PAFAH1B1: variants seen among roughly 807,000 people sequenced by gnomAD.
The protein encoded by PAFAH1B1 is platelet activating factor acetylhydrolase 1b regulatory subunit 1.
Under a neutral mutation model 57.5 loss-of-function variants are expected in PAFAH1B1, and 2 were observed. That is an observed-to-expected ratio of 0.03 (90% CI 0.01 to 0.11). PAFAH1B1 has a LOEUF of 0.11. Ranked by LOEUF, PAFAH1B1 falls within the 10% of genes least tolerant of loss-of-function variation. The pLI, the probability that PAFAH1B1 is intolerant of heterozygous loss-of-function variation, is 1.00. For missense variants in PAFAH1B1, 257 were observed against 512.0 expected (o/e 0.50, Z 4.81); for synonymous variants, 152 against 169.6 (o/e 0.90, Z 0.81).
intron 8 of PAFAH1B1, chr17:2,676,172 G>A (rs1567560858): frequency 3.0e-6 from 1 of 328,536 alleles, no homozygotes; most frequent in Non-Finnish European, 5.9e-6. Flanking sequence ...GAGGTTAGGA[G>A]TTCAAGACCA....
chr17:2,616,911 A>G (rs1319197498), intron 1 of PAFAH1B1, among the ~76,000 whole-genome samples: 1 of 151,564 alleles, frequency 6.6e-6, no homozygotes, highest in Non-Finnish European at 1.5e-5. Flanking sequence ...AAAATACCAA[A>G]AAAAAAAAAA....
chr17:2,667,262 A>C, intron 5 of PAFAH1B1, 64 bp downstream of exon 5: 1 of 1,297,230 alleles, frequency 7.7e-7, no homozygotes, highest in Non-Finnish European at 1.1e-6. Flanking sequence ...TGAACCCGGG[A>C]GGCGGAGTTT....
chr17:2,662,977 G>A (rs966310623), intron 2 of PAFAH1B1, among the ~76,000 whole-genome samples: 1 of 152,118 alleles, frequency 6.6e-6, no homozygotes, highest in African/African-American at 2.4e-5. Context: ...GCTGGGCATC[G>A]TGGCACCTGC....
chr17:2,620,325 T>G (rs2068403305), intron 1 of PAFAH1B1, among the ~76,000 whole-genome samples: 1 of 152,210 alleles, frequency 6.6e-6, no homozygotes. Flanking sequence ...ACAGATTGTT[T>G]ATAAACATCA....
chr17:2,604,074 T>G (rs1412776511), intron 1 of PAFAH1B1, among the ~76,000 whole-genome samples: 1 of 148,856 alleles, frequency 6.7e-6, no homozygotes, highest in East Asian at 2.0e-4. Flanking sequence ...GGAGTTGAGG[T>G]CTTGTCGCCC....
chr17:2,599,930 G>A (rs1468501144), intron 1 of PAFAH1B1, among the ~76,000 whole-genome samples: 1 of 111,046 alleles, frequency 9.0e-6, no homozygotes, highest in East Asian at 3.2e-4. Flanking sequence ...AAAGTTATAT[G>A]TTTATTAAAA....
intron 2 of PAFAH1B1, among the ~76,000 whole-genome samples, chr17:2,661,076 T>C (rs1380758926): frequency 1.3e-5 from 2 of 152,222 alleles, no homozygotes; most frequent in Non-Finnish European, 2.9e-5. Flanking sequence ...GTTCATATCC[T>C]TTGCCCACTT....
intron 1 of PAFAH1B1, among the ~76,000 whole-genome samples, chr17:2,625,632 C>A (rs886730666): frequency 3.3e-5 from 5 of 152,272 alleles, no homozygotes; most frequent in African/African-American, 1.2e-4. Flanking sequence ...CATTTAAGAA[C>A]CATTTATTAG....
chr17:2,652,543 C>G (rs1478447155), intron 2 of PAFAH1B1, among the ~76,000 whole-genome samples: 1 of 152,004 alleles, frequency 6.6e-6, no homozygotes, highest in East Asian at 1.9e-4. Context: ...AGTTGAGGTC[C>G]TGAGGTTTCT....
chr17:2,612,549 A>AAGT (rs2068279706), intron 1 of PAFAH1B1, among the ~76,000 whole-genome samples: 1 of 151,280 alleles, frequency 6.6e-6, no homozygotes, highest in Admixed American at 6.6e-5. Flanking sequence ...CTACTATTAA[A>AAGT]AGTAGCTGTA....
At chr17:2,602,320 A>G (rs1216867359) in intron 1 of PAFAH1B1, among the ~76,000 whole-genome samples, 2 of 152,098 alleles carry the variant, frequency 1.3e-5, no homozygotes, top group Admixed American at 1.3e-4. Flanking sequence ...TCGCATTTTT[A>G]TGGAAGCATC....
upstream of PAFAH1B1, among the ~76,000 whole-genome samples, chr17:2,593,498 C>A (rs1034149910): frequency 1.3e-4 from 20 of 151,646 alleles, no homozygotes; most frequent in African/African-American, 3.6e-4. Flanking sequence ...CGCTAGAAGG[C>A]AGCGCGGCCC....
intron 1 of PAFAH1B1, 83 bp downstream of exon 1, chr17:2,594,089 G>T: frequency 2.5e-6 from 1 of 395,582 alleles, no homozygotes; most frequent in South Asian, 1.3e-4. Flanking sequence ...GCGGCCTGAC[G>T]ATGTGGCTGC....
chr17:2,638,101 G>A lies in PAFAH1B1; in HGVS notation c.-188G>A, dbSNP rs1366001357. 2 of 518,622 alleles carry A rather than the reference G, an allele frequency of 3.9e-6. No homozygotes were observed. The highest frequency in any genetic ancestry group is 7.0e-6 in the Non-Finnish European group (2 of 286,672). 32.1% of individuals were successfully genotyped at this position (518,622 alleles called of 1,614,324 possible). A position where few individuals can be genotyped will look rare whatever the true frequency, so the allele number is the denominator to read the frequency against. ...TTTTTTCTTCTCTTTCTCCTTAGGT[G>A]GAATGAATCTTACTTGTTGAATATC... is the stretch of plus-strand genomic sequence containing the variant. On this transcript the variant is annotated splice_region_variant and 5_prime_UTR_variant, in exon 2 of 11. Transcript: ENST00000397195.
chr17:2,673,873 C>G, intron 7 of PAFAH1B1, 187 bp from the exon 8 acceptor site: 1 of 569,918 alleles, frequency 1.8e-6, no homozygotes, highest in Non-Finnish European at 3.2e-6. Flanking sequence ...ATTTTATTAG[C>G]TCCTTAATGA....
intron 1 of PAFAH1B1, among the ~76,000 whole-genome samples, chr17:2,606,391 G>C (rs2068204415): frequency 6.6e-6 from 1 of 151,874 alleles, no homozygotes; most frequent in African/African-American, 2.4e-5. Context: ...TGGAGACGAA[G>C]TTTCACTCTT....
intron 1 of PAFAH1B1, among the ~76,000 whole-genome samples, chr17:2,603,813 T>A (rs1222581113): frequency 1.3e-5 from 2 of 151,972 alleles, no homozygotes; most frequent in African/African-American, 4.8e-5. Context: ...CGATCTTGGC[T>A]TACTGCAGCC....
At chr17:2,604,820 T>A (rs1178231097) in intron 1 of PAFAH1B1, among the ~76,000 whole-genome samples, 4 of 151,376 alleles carry the variant, frequency 2.6e-5, no homozygotes, top group African/African-American at 7.3e-5. Context: ...AAAAAAAAAA[T>A]AATTGGAGTG....
chr17:2,655,087 A>C (rs2068919733), intron 2 of PAFAH1B1, among the ~76,000 whole-genome samples: 1 of 151,846 alleles, frequency 6.6e-6, no homozygotes, highest in Non-Finnish European at 1.5e-5. Flanking sequence ...GGTGTGAGCC[A>C]CCATGCCCAG....
Sources: allele counts gnomAD v4.1 joint callset (sites outside exome capture counted in the v4.1 genomes callset), GRCh38; gene constraint gnomAD v4.1.1; transcripts MANE v1.5; gene names NCBI Gene and HGNC (gene_info 2026-07-23, HGNC 2026-07-21).